MLXIPL: variants seen among roughly 807,000 people sequenced by gnomAD.
MLXIPL encodes carbohydrate-responsive element-binding protein.
In MLXIPL, 49 loss-of-function variants were observed where a neutral mutation model predicts 81.5. That is an observed-to-expected ratio of 0.60 (90% CI 0.48 to 0.76). The LOEUF is 0.76. Ranked by LOEUF, MLXIPL falls within the 30% of genes least tolerant of loss-of-function variation. MLXIPL has a pLI of 0.00. For missense variants in MLXIPL, 1,053 were observed against 1,167.0 expected (o/e 0.90, Z 1.42); for synonymous variants, 466 against 485.5 (o/e 0.96, Z 0.53).
chr7:73,594,265 C>G lies in MLXIPL; in HGVS notation c.2440+9G>C. The stretch of plus-strand genomic sequence containing the variant: ...GTCCCTCTAGCAGGCAGGGAGATGG[C>G]TCACGTACTTGGCCGGAGAGCGGGC... On this transcript the variant is annotated intron_variant, in intron 16 of 16. Transcript: ENST00000313375. 2 of 1,611,718 alleles carry G rather than the reference C, an allele frequency of 1.2e-6. No individual in the cohort carries two copies. The highest frequency in any genetic ancestry group is 1.7e-6 in the Non-Finnish European group (2 of 1,179,996).
rs799157 is a variant in MLXIPL, at chr7:73,605,971, T to A, written c.759A>T (p.Ser253=). Residue 253 remains serine (S), a synonymous_variant, in exon 6 of 17, where the codon TCA becomes TCT. Transcript: ENST00000313375. The part of the protein sequence containing the change: ...LDLNCFLSDI[S]DTLFTMTQSG... ...ACTGAGTCATGGTGAAGAGAGTGTC[T>A]GAGATGTCGGACAAAAAGCAATTGA... is the stretch of plus-strand genomic sequence containing the variant. The A allele has an allele frequency of 6.3e-7, 1 of 1,593,624 alleles. No homozygotes were observed. Among genetic ancestry groups the A allele is most frequent in the Non-Finnish European group, 8.5e-7 (1 of 1,170,016 alleles).
In MLXIPL at chr7:73,595,898, C is replaced by T. The variant is rs782740745; in HGVS notation, c.2130G>A (p.Leu710=). The T allele has an allele frequency of 3.9e-5, 63 of 1,613,032 alleles. No individual in the cohort carries two copies. Among genetic ancestry groups the T allele is most frequent in the East Asian group, 4.5e-5 (2 of 44,860 alleles). ...CCCGCAGCTGCTGGGCCTCCTCCTG[C>T]AAGCCCGCACGCTCCTGCTGTAGCA... The part of the protein sequence containing the change: ...ILMLQQERAG[L]QEEAQQLRDE... The change falls in exon 14 of 17, where the codon TTG becomes TTA. Residue 710 remains leucine (L), a synonymous_variant. Transcript: ENST00000313375.
At chr7:73,637,714 A>T in the MLXIPL span, among the ~76,000 whole-genome samples, 2 of 152,154 alleles carry the variant, frequency 1.3e-5, no homozygotes, top group Non-Finnish European at 2.9e-5. Flanking sequence ...GCTGTTCCCC[A>T]TCAGACAGCA....
chr7:73,608,879 T>A (rs2116383853), intron 2 of MLXIPL, among the ~76,000 whole-genome samples: 1 of 152,276 alleles, frequency 6.6e-6, no homozygotes, highest in African/African-American at 2.4e-5. Flanking sequence ...CAGGCCAGAG[T>A]GCAGTGGCGC....
chr7:73,613,119 C>G (rs1795801906), intron 2 of MLXIPL, among the ~76,000 whole-genome samples: 1 of 152,136 alleles, frequency 6.6e-6, no homozygotes, highest in Non-Finnish European at 1.5e-5. Context: ...AGCCCTAAGG[C>G]CCGACATTAG....
chr7:73,625,059 A>G (rs182010369), upstream of MLXIPL, among the ~76,000 whole-genome samples: 6 of 152,192 alleles, frequency 3.9e-5, no homozygotes, highest in South Asian at 4.1e-4. Flanking sequence ...TGGCGTGTGC[A>G]TGTAGTCCTA....
chr7:73,619,322 G>T (rs900052263), intron 1 of MLXIPL, among the ~76,000 whole-genome samples: 1 of 152,060 alleles, frequency 6.6e-6, no homozygotes, highest in African/African-American at 2.4e-5. Flanking sequence ...TTAGCCGGAC[G>T]TGGTGGCAGG....
At chr7:73,612,742 C>T (rs1023702265) in intron 2 of MLXIPL, among the ~76,000 whole-genome samples, 1 of 151,892 alleles carries the variant, frequency 6.6e-6, no homozygotes, top group Non-Finnish European at 1.5e-5. Flanking sequence ...GACTGTTTCT[C>T]ATGGAAAGGC....
chr7:73,647,223 C>G, the MLXIPL span, among the ~76,000 whole-genome samples: 1 of 152,206 alleles, frequency 6.6e-6, no homozygotes, highest in Non-Finnish European at 1.5e-5. Flanking sequence ...CTGTGGCCCC[C>G]ACCTGTTGGC....
chr7:73,636,799 C>G, the MLXIPL span, among the ~76,000 whole-genome samples: 1 of 152,158 alleles, frequency 6.6e-6, no homozygotes, highest in South Asian at 2.1e-4. Context: ...CGGTGGCTCA[C>G]GCCTATAATC....
Position 73,597,602 on chromosome 7 carries a change from G to C in MLXIPL, c.1183C>G (p.Leu395Val), listed in dbSNP as rs1216814186. ...TTGGCAGGGGGAGGGTAATGCAGCA[G>C]AGGTGGGGGTACAGGAGGGGGTGGG... ...RLPPPPVPPP[L>V]LHYPPPAKVP... The change falls in exon 9 of 17, where the codon CTG becomes GTG. Residue 395 changes from leucine to valine, a missense_variant. By Grantham distance (32) the Leu-to-Val change is conservative. Coordinates refer to ENST00000313375, the MANE Select transcript of MLXIPL (RefSeq NM_032951.3). 7.7e-7 allele frequency: 1 copy of C among 1,298,718 alleles called. No homozygotes were observed. The highest frequency in any genetic ancestry group is 1.5e-5 in the African/African-American group (1 of 64,834). The allele number at this position is 1,298,718 out of a possible 1,614,324, so 80.4% of individuals were successfully genotyped here. A position where few individuals can be genotyped will look rare whatever the true frequency, so the allele number is the denominator to read the frequency against.
intron 4 of MLXIPL, 106 bp from the exon 5 acceptor site, chr7:73,607,124 T>C: frequency 6.9e-7 from 1 of 1,458,948 alleles, no homozygotes; most frequent in Non-Finnish European, 9.4e-7. Context: ...CCATTTCCCA[T>C]CAGGAGCTCA....
chr7:73,616,025 AG>A (rs1554600655), intron 2 of MLXIPL, 45 bp downstream of exon 2: 1 of 1,509,928 alleles, frequency 6.6e-7, no homozygotes, highest in Non-Finnish European at 9.2e-7. Context: ...GGAGGGTTGG[AG>A]GGGGCAGTCC....
Position 73,596,176 on chromosome 7 carries a change from G to A in MLXIPL, c.2035C>T (p.Leu679Phe). Residue 679 changes from leucine (L) to phenylalanine (F), a missense_variant, in exon 13 of 17, where the codon CTC (leucine) becomes TTC (phenylalanine). Physicochemically the swap from Leu to Phe is conservative, Grantham distance 22 (BLOSUM62 0). Around this residue, in one of 3 missense-constraint regions of MLXIPL, gnomAD observed 823 missense variants for 933.0 expected, o/e 0.88. Transcript: ENST00000313375. This position sits in a 1 kb window ranked among gnomAD's most constrained non-coding sequence, Gnocchi z 4.7. ...ACCTTGAGGCTGGGCTGGGCACTGAGTGTGCTCACGAGCCCATGAAGGGTG... is the reference window on the plus strand; with the variant it reads ...ACCTTGAGGCTGGGCTGGGCACTGAATGTGCTCACGAGCCCATGAAGGGTG... ...FDTLHGLVST[L>F]SAQPSLKVSK... The A allele has an allele frequency of 1.9e-6, 3 of 1,613,208 alleles. No individual in the cohort carries two copies. The highest frequency in any genetic ancestry group is 2.5e-6 in the Non-Finnish European group (3 of 1,179,942).
At chr7:73,600,246 G>A (rs746891065) in intron 7 of MLXIPL, among the ~76,000 whole-genome samples, 11 of 150,484 alleles carry the variant, frequency 7.3e-5, no homozygotes, top group Non-Finnish European at 1.5e-4. Context: ...GGAGTGGGGT[G>A]AAGAGTGTAA....
intron 1 of MLXIPL, among the ~76,000 whole-genome samples, chr7:73,621,468 T>A (rs1199647598): frequency 2.0e-5 from 3 of 151,862 alleles, no homozygotes; most frequent in Non-Finnish European, 2.9e-5. Flanking sequence ...TCCCACCACC[T>A]TCTGAACTCT....
intron 2 of MLXIPL, chr7:73,609,653 A>G (rs1303409502): frequency 6.7e-6 from 1 of 149,890 alleles, no homozygotes; most frequent in Non-Finnish European, 1.5e-5. Context: ...CAAGGACTCA[A>G]TCTGTTGCCC....
chr7:73,640,501 G>A, the MLXIPL span, among the ~76,000 whole-genome samples: 2 of 151,884 alleles, frequency 1.3e-5, no homozygotes, highest in African/African-American at 4.8e-5. Context: ...TGGCGGCCGG[G>A]CGTGGTGGCT....
chr7:73,625,361 T>C (rs1554603558), upstream of MLXIPL, among the ~76,000 whole-genome samples: 2 of 152,132 alleles, frequency 1.3e-5, no homozygotes, highest in African/African-American at 4.8e-5. Context: ...TCCACATAGG[T>C]AGAAGCCCCC....
Sources: gnomAD v4.1 joint callset for allele counts (sites outside exome capture counted in the v4.1 genomes callset) on GRCh38, gnomAD v4.1.1 for gene constraint, gnomAD v4.1.1 regional missense constraint, Gnocchi (gnomAD v3.1) non-coding constraint, MANE v1.5 for transcripts, NCBI Gene and HGNC (gene_info 2026-07-23, HGNC 2026-07-21) for gene names.